FASN: variants seen among roughly 807,000 people sequenced by gnomAD.
FASN encodes 3-hydroxyacyl-[acyl-carrier-protein] dehydratase.
Under a neutral mutation model 250.0 loss-of-function variants are expected in FASN, and 50 were observed. The ratio of observed to expected loss-of-function variants is 0.20; its 90% confidence interval spans 0.16 to 0.25. The LOEUF is 0.25. FASN is among the 10% of genes least tolerant of loss of function. FASN has a pLI of 1.00. For missense variants in FASN, 3,031 were observed against 3,498.5 expected (o/e 0.87, Z 3.37); for synonymous variants, 1,909 against 1,584.0 (o/e 1.21, Z -4.87).
chr17:82,092,220 G>A (rs1035731211), intron 8 of FASN, among the ~76,000 whole-genome samples: 3 of 152,168 alleles, frequency 2.0e-5, no homozygotes, highest in Admixed American at 6.5e-5. Flanking sequence ...TCCGGCAGAC[G>A]CTCTGCAGGG....
intron 12 of FASN, 54 bp from the exon 13 acceptor site, chr17:82,089,438 T>A: frequency 1.9e-6 from 3 of 1,612,258 alleles, no homozygotes; most frequent in Non-Finnish European, 2.5e-6. Context: ...CACCTCAGGC[T>A]CGGAGAGGTA....
chr17:82,098,171 G>GC lies in FASN; in HGVS notation c.-59dup, dbSNP rs1678105393. ...GGGCGGCGGAGAGCGAGGCTGGAGC[G>GC]CGGCGGAGCGGGAGGCTGAAGCGCG... On this transcript the variant is annotated 5_prime_UTR_variant, in exon 1 of 43. Coordinates refer to ENST00000306749, the MANE Select transcript of FASN (RefSeq NM_004104.5). 2.8e-6 allele frequency: 1 copy of GC among 359,892 alleles called. No homozygotes were observed. Among genetic ancestry groups the GC allele is most frequent in the Admixed American group, 4.7e-5 (1 of 21,294 alleles). 22.3% of individuals were successfully genotyped at this position (359,892 alleles called of 1,614,324 possible).
At position 82,082,130 on chromosome 17, in the gene FASN, G is replaced by C. The variant is rs772130615; in HGVS notation, c.6042C>G (p.Asp2014Glu). ...RVTREACPELDYFVVFSSVSC... is the reference protein window; with the variant it reads ...RVTREACPELEYFVVFSSVSC... ...TCACAGAGGAGAAGACCACAAAGTA[G>C]TCCAGCTCAGGGCACGCCTCTCGGG... Residue 2014 changes from aspartate to glutamate, a missense_variant, in exon 36 of 43, where the codon GAC becomes GAG. Coordinates refer to ENST00000306749, the MANE Select transcript of FASN (RefSeq NM_004104.5). The C allele has an allele frequency of 1.2e-6, 2 of 1,606,152 alleles. No individual in the cohort carries two copies. Among genetic ancestry groups the C allele is most frequent in the Non-Finnish European group, 1.7e-6 (2 of 1,179,980 alleles).
At chr17:82,096,096 T>A (rs1388298060) in intron 2 of FASN, among the ~76,000 whole-genome samples, 1 of 152,222 alleles carries the variant, frequency 6.6e-6, no homozygotes, top group African/African-American at 2.4e-5. Context: ...TGAGGGAACC[T>A]CCTGGCAGGC....
chr17:82,086,114 G>A, intron 22 of FASN, 140 bp downstream of exon 22: 1 of 1,443,894 alleles, frequency 6.9e-7, no homozygotes, highest in Non-Finnish European at 9.3e-7. Context: ...CAGGACACGT[G>A]CACAGAACCA....
Position 82,083,211 on chromosome 17 carries a change from G to A in FASN, c.5556C>T (p.Val1852=), listed in dbSNP as rs545998778. Residue 1852 remains valine, a synonymous_variant, in exon 32 of 43, where the codon GTC becomes GTT. Coordinates refer to ENST00000306749, the MANE Select transcript of FASN (RefSeq NM_004104.5). The part of the protein sequence containing the change: ...YMAQGKHIGK[V]VVQVLAEEPE... ...GGACTCCTCCCCTCACCTGCACGAC[G>A]ACTTTGCCAATGTGCTTCCCTTGGG... The A allele has an allele frequency of 6.8e-5, 110 of 1,612,626 alleles. No homozygotes were observed. In the Admixed American group the frequency reaches 8.7e-4, roughly 13 times the overall value.
intron 41 of FASN, 146 bp from the exon 42 acceptor site, chr17:82,079,754 G>A (rs780488351): frequency 4.9e-5 from 56 of 1,147,382 alleles, no homozygotes; most frequent in Non-Finnish European, 6.5e-5. Context: ...TCAGCTCACC[G>A]CAACCTCCAC....
chr17:82,079,570 C>T lies in FASN; in HGVS notation c.7185G>A (p.Glu2395=). The T allele has an allele frequency of 6.2e-7, 1 of 1,604,842 alleles. No individual in the cohort carries two copies. The change falls in exon 42 of 43, where the codon GAG becomes GAA. Residue 2395 remains glutamate (E), a synonymous_variant. Transcript: ENST00000306749. ...EALLPLKGLE[E]RVAAAVDLII... is the part of the protein sequence containing the mutation. Reference sequence around the variant, plus strand: ...TCAGGTCCACGGCGGCTGCCACACGCTCCTCTAGGCCCTTCAGCGGCAGCA... The same window carrying T: ...TCAGGTCCACGGCGGCTGCCACACGTTCCTCTAGGCCCTTCAGCGGCAGCA...
At chr17:82,090,297 G>A in intron 11 of FASN, 78 bp downstream of exon 11, 4 of 1,422,466 alleles carry the variant, frequency 2.8e-6, no homozygotes, top group Non-Finnish European at 2.9e-6. Flanking sequence ...GGCCAGGCCA[G>A]GGCTGCAGGT....
At chr17:82,082,237 A>G in intron 35 of FASN, 77 bp from the exon 36 acceptor site, 1 of 1,602,822 alleles carries the variant, frequency 6.2e-7, no homozygotes, top group East Asian at 2.2e-5. Flanking sequence ...GAAACGCCAG[A>G]GAGGGCTGTC....
At position 82,078,897 on chromosome 17, in the gene FASN, G is replaced by A; in HGVS notation, c.*246C>T. 1.7e-6 allele frequency: 1 copy of A among 595,876 alleles called. No individual in the cohort carries two copies. Among genetic ancestry groups the A allele is most frequent in the South Asian group, 2.0e-5 (1 of 50,666 alleles). The allele number at this position is 595,876 out of a possible 1,614,324, so 36.9% of individuals were successfully genotyped here. A position where few individuals can be genotyped will look rare whatever the true frequency, so the allele number is the denominator to read the frequency against. On this transcript the variant is annotated 3_prime_UTR_variant, in exon 43 of 43. Coordinates refer to ENST00000306749, the MANE Select transcript of FASN (RefSeq NM_004104.5). This position sits in a 1 kb window ranked among gnomAD's most constrained non-coding sequence, Gnocchi z 5.4. ...CCCAGCCCAGTTCCTGCGGGCACGG[G>A]CACCACCGGCTCTTCACAGACCAGG...
intron 33 of FASN, 115 bp from the exon 34 acceptor site, chr17:82,082,793 G>T: frequency 1.3e-6 from 2 of 1,537,086 alleles, no homozygotes; most frequent in Non-Finnish European, 1.8e-6. Context: ...CCCCCCACAA[G>T]ATGGAGGGGG....
Position 82,088,459 on chromosome 17 carries a change from AGGCCAGGCTGTGGTCC to A in FASN, c.2508_2523del (p.Trp836CysfsTer52). 1 of 1,611,802 alleles carries A rather than the reference AGGCCAGGCTGTGGTCC, an allele frequency of 6.2e-7. No homozygotes were observed. Among genetic ancestry groups the A allele is most frequent in the Non-Finnish European group, 8.5e-7 (1 of 1,179,222 alleles). On this transcript the variant is annotated frameshift_variant, in exon 16 of 43. Coordinates refer to ENST00000306749, the MANE Select transcript of FASN (RefSeq NM_004104.5). LOFTEE classifies it high-confidence loss of function. ...AAGTCCTCGGCGGCCGGCACGTCCCAGGCCAGGCTGTGGTCCCACTTGATGAGTGGGGAGATGAGGG... is the reference window on the plus strand; with the variant it reads ...AAGTCCTCGGCGGCCGGCACGTCCCACACTTGATGAGTGGGGAGATGAGGG...
In FASN at chr17:82,083,642, AG is replaced by A; in HGVS notation, c.5219-4del. 1.2e-6 allele frequency: 2 copies of A among 1,605,654 alleles called. No individual in the cohort carries two copies. Among genetic ancestry groups the A allele is most frequent in the South Asian group, 2.2e-5 (2 of 89,994 alleles). On this transcript the variant is annotated splice_region_variant and splice_polypyrimidine_tract_variant and intron_variant, in intron 30 of 42. Coordinates refer to ENST00000306749, the MANE Select transcript of FASN (RefSeq NM_004104.5). ...GGAGTTCAAGACCAGGTCAACGCCT[AG>A]GGGGCCAGAGGGGCCAGACAATCAC...
In FASN at chr17:82,091,653, G is replaced by A. The variant is rs1230858875; in HGVS notation, c.1061C>T (p.Ala354Val). ...VLLSLEHGLW[A>V]PNLHFHSPNP... ...GGGGCTATGGAAGTGCAGGTTGGGG[G>A]CCCAGAGCCCGTGCTCCAGGGACAG... The change falls in exon 9 of 43, where the codon GCC (alanine) becomes GTC (valine). Residue 354 changes from alanine (A) to valine (V), a missense_variant. By Grantham distance (64) the Ala-to-Val change is moderately conservative (BLOSUM62 0). Coordinates refer to ENST00000306749, the MANE Select transcript of FASN (RefSeq NM_004104.5). 4 of 1,593,242 alleles carry A rather than the reference G, an allele frequency of 2.5e-6. No individual in the cohort carries two copies. The highest frequency in any genetic ancestry group is 1.1e-5 in the South Asian group (1 of 87,828).
chr17:82,085,315 G>A lies in FASN; in HGVS notation c.4210C>T (p.Arg1404Cys), dbSNP rs1224241974. 9 of 1,611,218 alleles carry A rather than the reference G, an allele frequency of 5.6e-6. No individual in the cohort carries two copies. The highest frequency in any genetic ancestry group is 1.1e-5 in the South Asian group (1 of 90,982). ...GGGCTGTCCTGCGGGGTGGGCCGGCGGCACAGGAAGAGCGTGGAGCCGTAG... is the reference window on the plus strand; with the variant it reads ...GGGCTGTCCTGCGGGGTGGGCCGGCAGCACAGGAAGAGCGTGGAGCCGTAG... ...SFYGSTLFLC[R>C]RPTPQDSPIF... Residue 1404 changes from arginine (R) to cysteine (C), a missense_variant, in exon 24 of 43, where the codon CGC becomes TGC. Transcript: ENST00000306749.
At position 82,088,376 on chromosome 17, in the gene FASN, G is replaced by A. The variant is rs145899336; in HGVS notation, c.2593+14C>T. 9.6e-4 allele frequency: 1,545 copies of A among 1,611,886 alleles called. 2 individuals are homozygous for A. Among genetic ancestry groups the A allele is most frequent in the South Asian group, 2.5e-3 (230 of 91,064 alleles). ...GGAGGGAAGAGTCTGCCCACCCGCC[G>A]GGCCCCTGCTCACCGATGTTGTAGA... On this transcript the variant is annotated intron_variant, in intron 16 of 42. Coordinates refer to ENST00000306749, the MANE Select transcript of FASN (RefSeq NM_004104.5).
Position 82,087,180 on chromosome 17 carries a change from A to T in FASN, c.3297T>A (p.Thr1099=), listed in dbSNP as rs752939866. ...CCTGCTGCCGCCGCGGGGCCGACTC[A>T]GTGTGGAGCCCGGAGATGTGGACGC... ...AGGVHISGLH[T]ESAPRRQQEQ... is the part of the protein sequence containing the mutation. Residue 1099 remains threonine (T), a synonymous_variant, in exon 21 of 43, where the codon ACT becomes ACA. Transcript: ENST00000306749. 9.9e-6 allele frequency: 16 copies of T among 1,608,784 alleles called. No individual in the cohort carries two copies. Among genetic ancestry groups the T allele is most frequent in the Non-Finnish European group, 1.4e-5 (16 of 1,178,764 alleles).
chr17:82,087,572 G>A lies in FASN; in HGVS notation c.3044-68C>T, dbSNP rs370889414. The A allele has an allele frequency of 7.9e-5, 127 of 1,601,854 alleles. No individual in the cohort carries two copies. In the East Asian group the frequency reaches 2.2e-3, roughly 28 times the overall value. ...CTGGGGCCACCTCCCAGAGCCCACC[G>A]GGCCCCTCTGCTCCCTCCCAAGCTG... On this transcript the variant is annotated intron_variant, in intron 19 of 42. Transcript: ENST00000306749.
Sources: allele counts gnomAD v4.1 joint callset (sites outside exome capture counted in the v4.1 genomes callset), GRCh38; gene constraint gnomAD v4.1.1; non-coding constraint Gnocchi (gnomAD v3.1); transcripts MANE v1.5; gene names NCBI Gene and HGNC (gene_info 2026-07-23, HGNC 2026-07-21).